FNDC3B: variants seen among roughly 807,000 people sequenced by gnomAD.
FNDC3B encodes the protein fibronectin type III domain containing 3B, also known as fibronectin type III domain-containing protein 3B.
In FNDC3B, 12 loss-of-function variants were observed where a neutral mutation model predicts 151.5. That is an observed-to-expected ratio of 0.08 (90% CI 0.05 to 0.13). The LOEUF is 0.13. Ranked by LOEUF, FNDC3B falls within the 10% of genes least tolerant of loss-of-function variation. The pLI is 1.00. For synonymous variants in FNDC3B, 528 were observed against 549.0 expected, an observed-to-expected ratio of 0.96 and a Z score of 0.54; for missense variants, 1,214 against 1,505.3, an observed-to-expected ratio of 0.81 and a Z score of 3.20.
chr3:172,272,990 C>G (rs1165332123), intron 6 of FNDC3B, among the ~76,000 whole-genome samples: 2 of 152,158 alleles, frequency 1.3e-5, no homozygotes, highest in South Asian at 2.1e-4. Flanking sequence ...TGCTTTTTCT[C>G]TAGTTTATTT....
intron 4 of FNDC3B, among the ~76,000 whole-genome samples, chr3:172,235,163 T>C (rs576974132): frequency 6.6e-6 from 1 of 152,186 alleles, no homozygotes; most frequent in Non-Finnish European, 1.5e-5. Context: ...CAATAACATC[T>C]AGCATCAGAT....
At chr3:172,223,565 GT>G (rs1188899445) in intron 3 of FNDC3B, among the ~76,000 whole-genome samples, 1 of 152,156 alleles carries the variant, frequency 6.6e-6, no homozygotes, top group Non-Finnish European at 1.5e-5. Flanking sequence ...CATGCCTGGG[GT>G]TAAGAGACTA....
Position 172,397,800 on chromosome 3 carries a change from ATTTT to A in FNDC3B, c.*335_*338del. ...CACTGATGTCTTTTGCAAGCCTTTG[ATTTT>A]TTTTTTTTTGTTACAGTTTAGTAAT... On this transcript the variant is annotated 3_prime_UTR_variant, in exon 26 of 26. Coordinates refer to ENST00000415807, the MANE Select transcript of FNDC3B (RefSeq NM_022763.4). 6.5e-6 allele frequency: 1 copy of A among 152,920 alleles called. No individual in the cohort carries two copies. Among genetic ancestry groups the A allele is most frequent in the Non-Finnish European group, 1.4e-5 (1 of 71,244 alleles). The allele number at this position is 152,920 out of a possible 1,614,324, so 9.5% of individuals were successfully genotyped here. A position where few individuals can be genotyped will look rare whatever the true frequency, so the allele number is the denominator to read the frequency against.
intron 3 of FNDC3B, among the ~76,000 whole-genome samples, chr3:172,214,105 A>G (rs951659882): frequency 6.6e-5 from 10 of 152,080 alleles, no homozygotes; most frequent in African/African-American, 1.9e-4. Flanking sequence ...ACTTTCCCAC[A>G]ATTGCTTGGG....
intron 1 of FNDC3B, among the ~76,000 whole-genome samples, chr3:172,109,739 C>A (rs1251887096): frequency 6.6e-6 from 1 of 152,188 alleles, no homozygotes; most frequent in Non-Finnish European, 1.5e-5. Context: ...TTTCTAGTAA[C>A]CACTGAACAC....
chr3:172,197,726 T>TA (rs2108683255), intron 3 of FNDC3B, among the ~76,000 whole-genome samples: 1 of 152,354 alleles, frequency 6.6e-6, no homozygotes, highest in African/African-American at 2.4e-5. Context: ...AATTAGTTGA[T>TA]ATATCCTCAT....
chr3:172,265,540 A>G lies in FNDC3B; in HGVS notation c.790+13999A>G, dbSNP rs145572149. Among the ~76,000 whole-genome samples, 548 of 152,338 alleles carry G rather than the reference A, an allele frequency of 3.6e-3. 4 individuals carry two copies. Among genetic ancestry groups the G allele is most frequent in the African/African-American group, 0.01 (432 of 41,578 alleles). On this transcript the variant is annotated intron_variant, in intron 6 of 25. Coordinates refer to ENST00000415807, the MANE Select transcript of FNDC3B (RefSeq NM_022763.4). Reference sequence around the variant, plus strand: ...TACTTGAAATGGTGGCTAGAGTCCTATTGATTAATGCTGGTGACTGAGACT... The same window carrying G: ...TACTTGAAATGGTGGCTAGAGTCCTGTTGATTAATGCTGGTGACTGAGACT...
At position 172,133,510 on chromosome 3, in the gene FNDC3B, A is replaced by G. The variant is rs1378457022; in HGVS notation, c.151A>G (p.Ile51Val). The change falls in exon 3 of 26, where the codon ATA (isoleucine) becomes GTA (valine). Residue 51 changes from isoleucine to valine, a missense_variant. Transcript: ENST00000415807. ...VQVNPGETFT[I>V]RAEDGTLQCI... ...AGTTAATCCAGGTGAGACTTTCACA[A>G]TAAGAGCAGAGGATGGAACACTTCA... 5 of 1,613,620 alleles carry G rather than the reference A, an allele frequency of 3.1e-6. No individual in the cohort carries two copies. The highest frequency in any genetic ancestry group is 1.1e-5 in the South Asian group (1 of 91,048).
chr3:172,327,621 G>A (rs770686731), intron 11 of FNDC3B, among the ~76,000 whole-genome samples: 1 of 152,178 alleles, frequency 6.6e-6, no homozygotes, highest in Non-Finnish European at 1.5e-5. Context: ...AGCCAGGATG[G>A]TCTGGATCTC....
chr3:172,069,286 A>G (rs1717653386), intron 1 of FNDC3B, among the ~76,000 whole-genome samples: 1 of 152,130 alleles, frequency 6.6e-6, no homozygotes, highest in Non-Finnish European at 1.5e-5. Context: ...CTTGAAGTGG[A>G]CAGTTTTGAA....
At chr3:172,183,409 T>G (rs957855900) in intron 3 of FNDC3B, among the ~76,000 whole-genome samples, 2 of 152,342 alleles carry the variant, frequency 1.3e-5, no homozygotes, top group South Asian at 4.1e-4. Flanking sequence ...ATGATTTGCT[T>G]AACTTAATTT....
intron 22 of FNDC3B, among the ~76,000 whole-genome samples, chr3:172,354,949 A>G (rs1734021402): frequency 6.6e-6 from 1 of 151,106 alleles, no homozygotes. Context: ...TTGCCAGGAC[A>G]GGGTTGTACA....
At chr3:172,371,457 C>G (rs1306323432) in intron 23 of FNDC3B, among the ~76,000 whole-genome samples, 4 of 152,292 alleles carry the variant, frequency 2.6e-5, no homozygotes, top group Middle Eastern at 3.4e-3. Context: ...AACATTAAAA[C>G]TCATGCGTGC....
intron 3 of FNDC3B, among the ~76,000 whole-genome samples, chr3:172,220,870 C>G (rs1409374850): frequency 6.6e-6 from 1 of 152,114 alleles, no homozygotes; most frequent in Non-Finnish European, 1.5e-5. Context: ...AGGAATATCA[C>G]TTGAGCCCCA....
intron 4 of FNDC3B, among the ~76,000 whole-genome samples, chr3:172,239,161 G>T (rs1304863477): frequency 1.2e-4 from 19 of 152,094 alleles, no homozygotes; most frequent in African/African-American, 4.6e-4. Context: ...TTGCAGCTGG[G>T]TGGGAGAGAC....
chr3:172,251,584 G>T, intron 6 of FNDC3B, 43 bp downstream of exon 6: 1 of 1,529,878 alleles, frequency 6.5e-7, no homozygotes, highest in South Asian at 1.2e-5. Context: ...TATCAAGACA[G>T]AGACATCTCA....
Position 172,212,695 on chromosome 3 carries a change from G to A in FNDC3B, c.188-14176G>A, listed in dbSNP as rs183791764. Among the ~76,000 whole-genome samples the A allele has an allele frequency of 2.6e-5, 4 of 152,280 alleles. No homozygotes were observed. The East Asian group carries it at 7.7e-4, about 29-fold the overall frequency. On this transcript the variant is annotated intron_variant, in intron 3 of 25. Coordinates refer to ENST00000415807, the MANE Select transcript of FNDC3B (RefSeq NM_022763.4). ...TAGAAGGAAGCACAGAAATTATCAG[G>A]TTTCTTCTCTTTTACTTTGTATCAT...
chr3:172,114,210 T>A (rs1720130532), intron 2 of FNDC3B, among the ~76,000 whole-genome samples: 1 of 152,212 alleles, frequency 6.6e-6, no homozygotes, highest in African/African-American at 2.4e-5. Context: ...ATTCTCTGCC[T>A]GCTCTTCTGC....
At chr3:172,326,615 A>G (rs75298501) in intron 11 of FNDC3B, among the ~76,000 whole-genome samples, 2 of 152,096 alleles carry the variant, frequency 1.3e-5, no homozygotes, top group African/African-American at 4.8e-5. Context: ...ATTTTTTTAA[A>G]TGTTAGCAAT....
Sources: allele counts gnomAD v4.1 joint callset (sites outside exome capture counted in the v4.1 genomes callset), GRCh38; gene constraint gnomAD v4.1.1; transcripts MANE v1.5; gene names NCBI Gene and HGNC (gene_info 2026-07-23, HGNC 2026-07-21).